GPR158: variants seen among roughly 807,000 people sequenced by gnomAD.
The protein encoded by GPR158 is G protein-coupled receptor 158.
Under a neutral mutation model 78.2 loss-of-function variants are expected in GPR158, and 30 were observed. That is an observed-to-expected ratio of 0.38 (90% confidence interval 0.29 to 0.52). The LOEUF (loss-of-function observed/expected upper bound fraction) is 0.52, where lower values mean the gene tolerates loss of function less well. Among genes scored for constraint, GPR158 ranks in the 20% least tolerant of loss-of-function variants. GPR158 has a pLI of 0.83. For missense variants in GPR158, 1,463 were observed against 1,523.5 expected, an observed-to-expected ratio of 0.96 and a Z score of 0.66; for synonymous variants, 581 against 591.1, an observed-to-expected ratio of 0.98 and a Z score of 0.25.
At chr10:25,319,971 A>C (rs1854922672) in intron 2 of GPR158, among the ~76,000 whole-genome samples, 1 of 152,182 alleles carries the variant, frequency 6.6e-6, no homozygotes, top group African/African-American at 2.4e-5. Flanking sequence ...TTGTTCATCC[A>C]AATACCTTAT....
intron 4 of GPR158, among the ~76,000 whole-genome samples, chr10:25,451,783 G>A (rs1835220710): frequency 6.6e-6 from 1 of 152,170 alleles, no homozygotes; most frequent in South Asian, 2.1e-4. Flanking sequence ...GTGCTAGAAT[G>A]ATAGCTGGTA....
chr10:25,182,318 G>C (rs565748546), intron 1 of GPR158, among the ~76,000 whole-genome samples: 2 of 152,066 alleles, frequency 1.3e-5, no homozygotes, highest in East Asian at 3.9e-4. Flanking sequence ...TAGACCAAGG[G>C]CCTCAGTATA....
At chr10:25,290,012 T>C (rs1243935534) in intron 2 of GPR158, among the ~76,000 whole-genome samples, 2 of 152,206 alleles carry the variant, frequency 1.3e-5, no homozygotes, top group African/African-American at 2.4e-5. Context: ...TTTCACTAAT[T>C]AGCTTGACAA....
intron 2 of GPR158, among the ~76,000 whole-genome samples, chr10:25,280,577 C>A (rs1854252966): frequency 2.0e-5 from 3 of 152,124 alleles, no homozygotes; most frequent in Admixed American, 2.0e-4. Context: ...AGAAGATTAA[C>A]CACATAGTTA....
chr10:25,498,378 G>T (rs12248413), intron 5 of GPR158, among the ~76,000 whole-genome samples: 1 of 152,068 alleles, frequency 6.6e-6, no homozygotes, highest in Non-Finnish European at 1.5e-5. Context: ...AGACCTCTTT[G>T]TAATGTAGTG....
chr10:25,282,481 TGGTATATACCTA>T (rs935466129), intron 2 of GPR158, among the ~76,000 whole-genome samples: 2 of 152,160 alleles, frequency 1.3e-5, no homozygotes, highest in African/African-American at 4.8e-5. Flanking sequence ...TTATTTCTCT[TGGTATATACCTA>T]GGTGTGGGAC....
chr10:25,521,219 C>T (rs1005173199), intron 5 of GPR158, among the ~76,000 whole-genome samples: 7 of 152,224 alleles, frequency 4.6e-5, no homozygotes, highest in African/African-American at 1.2e-4. Context: ...CGCCCTGCTT[C>T]GGCTCGCGCA....
At chr10:25,510,080 C>G (rs1292909483) in intron 5 of GPR158, among the ~76,000 whole-genome samples, 1 of 152,106 alleles carries the variant, frequency 6.6e-6, no homozygotes, top group African/African-American at 2.4e-5. Flanking sequence ...CTCTACTGGA[C>G]GAGGCAGTTA....
intron 1 of GPR158, among the ~76,000 whole-genome samples, chr10:25,205,414 T>C (rs1441803339): frequency 6.6e-6 from 1 of 152,026 alleles, no homozygotes; most frequent in African/African-American, 2.4e-5. Context: ...GGTTATTCCT[T>C]GTCTTTTAAC....
chr10:25,317,842 C>T (rs1033278010), intron 2 of GPR158, among the ~76,000 whole-genome samples: 2 of 151,890 alleles, frequency 1.3e-5, no homozygotes, highest in African/African-American at 4.8e-5. Flanking sequence ...GATTCTTCTG[C>T]CTCAGCCTCC....
At chr10:25,380,564 A>G (rs1834140436) in intron 2 of GPR158, among the ~76,000 whole-genome samples, 1 of 152,136 alleles carries the variant, frequency 6.6e-6, no homozygotes, top group Admixed American at 6.6e-5. Flanking sequence ...TTTGGAGTAC[A>G]ATTACTTAGT....
chr10:25,538,350 T>G (rs1485550605), intron 5 of GPR158, among the ~76,000 whole-genome samples: 1 of 152,218 alleles, frequency 6.6e-6, no homozygotes, highest in Non-Finnish European at 1.5e-5. Flanking sequence ...TTAGCTTTTA[T>G]GCATAGCTCC....
intron 4 of GPR158, among the ~76,000 whole-genome samples, chr10:25,465,707 C>T (rs1835411889): frequency 6.6e-6 from 1 of 152,146 alleles, no homozygotes; most frequent in East Asian, 1.9e-4. Flanking sequence ...GTGGGAGATA[C>T]GCAGACTTCA....
At chr10:25,421,033 C>G (rs1288533501) in intron 4 of GPR158, among the ~76,000 whole-genome samples, 4 of 152,152 alleles carry the variant, frequency 2.6e-5, no homozygotes, top group Non-Finnish European at 5.9e-5. Context: ...TGCATTTAAT[C>G]TGTAGATTGC....
At chr10:25,449,835 G>A (rs933321372) in intron 4 of GPR158, among the ~76,000 whole-genome samples, 1 of 152,062 alleles carries the variant, frequency 6.6e-6, no homozygotes, top group Non-Finnish European at 1.5e-5. Flanking sequence ...TGTACATCAT[G>A]AATTTTCCAA....
At chr10:25,545,228 G>A (rs945636315) in intron 5 of GPR158, among the ~76,000 whole-genome samples, 1 of 152,288 alleles carries the variant, frequency 6.6e-6, no homozygotes, top group Admixed American at 6.5e-5. Flanking sequence ...ACCCAGTAAT[G>A]GGATTGCTGG....
chr10:25,221,753 C>CT (rs1853302688), intron 2 of GPR158, among the ~76,000 whole-genome samples: 1 of 152,134 alleles, frequency 6.6e-6, no homozygotes, highest in South Asian at 2.1e-4. Context: ...TATCACTTGT[C>CT]TTTTGTAGTT....
intron 5 of GPR158, among the ~76,000 whole-genome samples, chr10:25,505,200 C>A (rs904964908): frequency 1.3e-5 from 2 of 152,118 alleles, no homozygotes; most frequent in African/African-American, 4.8e-5. Context: ...ATTTTCTGTT[C>A]TCTGTTGATT....
At chr10:25,375,735 A>G (rs983645897) in intron 2 of GPR158, among the ~76,000 whole-genome samples, 2 of 151,592 alleles carry the variant, frequency 1.3e-5, no homozygotes, top group Non-Finnish European at 3.0e-5. Context: ...CTATTTTTAA[A>G]AATTGAATCT....
Sources: gnomAD v4.1 joint callset for allele counts (sites outside exome capture counted in the v4.1 genomes callset) on GRCh38, gnomAD v4.1.1 for gene constraint, MANE v1.5 for transcripts, NCBI Gene and HGNC (gene_info 2026-07-23, HGNC 2026-07-21) for gene names.